Variants in CARMIL3 observed in about 807,000 individuals in gnomAD.
CARMIL3 encodes capping protein, Arp2/3 and myosin-I linker protein 3.
In CARMIL3, 88 loss-of-function variants were observed where a neutral mutation model predicts 180.8. The observed-to-expected ratio is 0.49, with a 90% CI of 0.41 to 0.58. The LOEUF (loss-of-function observed/expected upper bound fraction) is 0.58. CARMIL3 is among the 20% of genes least tolerant of loss of function. CARMIL3 has a pLI of 0.00. For missense variants in CARMIL3, 1,548 were observed against 1,787.0 expected, an observed-to-expected ratio of 0.87 and a Z score of 2.41; for synonymous variants, 696 against 714.5, an observed-to-expected ratio of 0.97 and a Z score of 0.41.
Position 24,054,160 on chromosome 14 carries a change from GA to G in CARMIL3, c.186+23del. On this transcript the variant is annotated intron_variant, in intron 3 of 39. Coordinates refer to ENST00000342740, the MANE Select transcript of CARMIL3 (RefSeq NM_138360.4). This position sits in a 1 kb window ranked among gnomAD's most constrained non-coding sequence, Gnocchi z 5.1. ...CAAGGTGAGTTGGGCTGAGGAGCAG[GA>G]GAGCACCTGGCATGCTCCCTACCTC... 6.2e-7 allele frequency: 1 copy of G among 1,614,130 alleles called. No homozygotes were observed. The highest frequency in any genetic ancestry group is 1.1e-5 in the South Asian group (1 of 91,082).
rs757289361 is a variant in CARMIL3 at position 24,062,551 on chromosome 14, A to G, written c.2552A>G (p.His851Arg). The G allele has an allele frequency of 5.6e-6, 9 of 1,614,066 alleles. No homozygotes were observed. In the South Asian group the frequency reaches 7.7e-5, roughly 14 times the overall value. Reference sequence around the variant, plus strand: ...GATGAGATCCTGCAAGAGCTCTACCATTCCCACAAGAGCCTGGTAAGGCTT... The same window carrying G: ...GATGAGATCCTGCAAGAGCTCTACCGTTCCCACAAGAGCCTGGTAAGGCTT... The part of the protein sequence containing the change: ...IVDEILQELY[H>R]SHKSLARHLT... Residue 851 changes from histidine to arginine, a missense_variant, in exon 28 of 40, where the codon CAT becomes CGT. Around this residue, in one of 4 missense-constraint regions of CARMIL3, gnomAD observed 297 missense variants for 415.9 expected, o/e 0.71. Coordinates refer to ENST00000342740, the MANE Select transcript of CARMIL3 (RefSeq NM_138360.4).
intron 1 of CARMIL3, 87 bp downstream of exon 1, chr14:24,052,280 G>C: frequency 1.5e-6 from 2 of 1,361,186 alleles, no homozygotes; most frequent in Non-Finnish European, 9.9e-7. Context: ...TCCCAGCCCG[G>C]TGTCTCACAC....
intron 34 of CARMIL3, among the ~76,000 whole-genome samples, chr14:24,065,951 T>C (rs1830316810): frequency 1.3e-5 from 2 of 152,208 alleles, no homozygotes; most frequent in African/African-American, 4.8e-5. Context: ...AACCTCTCCT[T>C]CTTTACTGTA....
rs753433724 is a variant in CARMIL3 at position 24,057,221 on chromosome 14, G to A, written c.1117G>A (p.Gly373Arg). 1.9e-6 allele frequency: 3 copies of A among 1,613,952 alleles called. No individual in the cohort carries two copies. Among genetic ancestry groups the A allele is most frequent in the Non-Finnish European group, 2.5e-6 (3 of 1,179,962 alleles). Residue 373 changes from glycine to arginine, a missense_variant, in exon 14 of 40, where the codon GGA becomes AGA. This residue lies in a region of CARMIL3 where 578 missense variants were observed against 666.5 expected (regional missense o/e 0.87). Transcript: ENST00000342740. ...PNALVHLDLSGTDCVIDLLLG... is the reference protein window; with the variant it reads ...PNALVHLDLSRTDCVIDLLLG... ...CGCCCTGGTGCACCTGGACCTGTCAGGAACTGACTGCGTCATCGACTTGGT... is the reference window on the plus strand; with the variant it reads ...CGCCCTGGTGCACCTGGACCTGTCAAGAACTGACTGCGTCATCGACTTGGT...
chr14:24,056,941 G>A lies in CARMIL3; in HGVS notation c.979G>A (p.Gly327Arg), dbSNP rs199658051. ...GCTCCAGGCACTCGGCCAGACCTTC[G>A]GGGCAAACCCAGCATTTGCCAGCTC... is the stretch of plus-strand genomic sequence containing the variant. The part of the protein sequence containing the change: ...RGLQALGQTF[G>R]ANPAFASSLR... Residue 327 changes from glycine (G) to arginine (R), a missense_variant, in exon 13 of 40, where the codon GGG (glycine) becomes AGG (arginine). Gly to Arg is a moderately radical substitution (Grantham distance 125). Transcript: ENST00000342740. The A allele has an allele frequency of 7.3e-5, 118 of 1,613,902 alleles. No homozygotes were observed. Among genetic ancestry groups the A allele is most frequent in the African/African-American group, 8.0e-5 (6 of 74,904 alleles).
chr14:24,060,535 T>C, intron 24 of CARMIL3, 93 bp from the exon 25 acceptor site: 2 of 1,528,376 alleles, frequency 1.3e-6, no homozygotes, highest in Non-Finnish European at 1.8e-6. Context: ...TCCACCACTG[T>C]CGGTGCCAGC....
Position 24,059,621 on chromosome 14 carries a change from C to A in CARMIL3, c.1800-43C>A. On this transcript the variant is annotated intron_variant, in intron 21 of 39. Coordinates refer to ENST00000342740, the MANE Select transcript of CARMIL3 (RefSeq NM_138360.4). This position sits in a 1 kb window ranked among gnomAD's most constrained non-coding sequence, Gnocchi z 6.3. ...TTGTGTCCCTGGCCCCTAGTAGGGA[C>A]CCAGGAGGAGAGGTGCCAAACTGGT... The A allele has an allele frequency of 6.2e-7, 1 of 1,604,964 alleles. No individual in the cohort carries two copies. Among genetic ancestry groups the A allele is most frequent in the Non-Finnish European group, 8.5e-7 (1 of 1,172,650 alleles).
chr14:24,056,317 G>A lies in CARMIL3; in HGVS notation c.789G>A (p.Leu263=). Residue 263 remains leucine, a synonymous_variant, in exon 11 of 40, where the codon CTG becomes CTA. Transcript: ENST00000342740. The part of the protein sequence containing the change: ...AGLKTDFVQK[L]AGVFGENGSC... ...CCTGAAGGGACTTTGTCCAGAAGCT[G>A]GCCGGGGTGTTTGGGGAGAACGGGA... 6.2e-7 allele frequency: 1 copy of A among 1,613,974 alleles called. No individual in the cohort carries two copies. The highest frequency in any genetic ancestry group is 2.2e-5 in the East Asian group (1 of 44,878).
chr14:24,058,234 C>T lies in CARMIL3; in HGVS notation c.1392+10C>T. 1 of 1,612,144 alleles carries T rather than the reference C, an allele frequency of 6.2e-7. No individual in the cohort carries two copies. The highest frequency in any genetic ancestry group is 8.5e-7 in the Non-Finnish European group (1 of 1,179,322). ...TCTCAGCAGCTGCGAGGTGAGCCCT[C>T]AGTCCCCAACCCCTCTGCCCGCCTC... is the stretch of plus-strand genomic sequence containing the variant. On this transcript the variant is annotated intron_variant, in intron 17 of 39. Transcript: ENST00000342740. This position sits in a 1 kb window ranked among gnomAD's most constrained non-coding sequence, Gnocchi z 6.4.
At position 24,060,947 on chromosome 14, in the gene CARMIL3, G is replaced by A; in HGVS notation, c.2211G>A (p.Glu737=). ...NSRALFPSLY[E]LGHVLANDGP... The stretch of plus-strand genomic sequence containing the variant: ...TCCAGCTGTTTCCCAGCCTCTATGA[G>A]CTGGGCCACGTGCTGGCCAATGATG... The change falls in exon 26 of 40, where the codon GAG becomes GAA. Residue 737 remains glutamate (E), a synonymous_variant. Coordinates refer to ENST00000342740, the MANE Select transcript of CARMIL3 (RefSeq NM_138360.4). 6.4e-7 allele frequency: 1 copy of A among 1,551,704 alleles called. No individual in the cohort carries two copies.
chr14:24,058,881 G>A lies in CARMIL3; in HGVS notation c.1475-9G>A. 1 of 1,614,170 alleles carries A rather than the reference G, an allele frequency of 6.2e-7. No individual in the cohort carries two copies. The highest frequency in any genetic ancestry group is 1.1e-5 in the South Asian group (1 of 91,090). On this transcript the variant is annotated splice_polypyrimidine_tract_variant and intron_variant, in intron 18 of 39. Transcript: ENST00000342740. The surrounding 1 kb of genome is among the most constrained non-coding windows in gnomAD (Gnocchi z 6.4). ...CCTCCAGGCCAGGCCTCTCCCATCT[G>A]CTCACCAGGGTTCGACTCGGACCTC... is the stretch of plus-strand genomic sequence containing the variant.
At chr14:24,053,999 C>T (rs2035645140) in intron 2 of CARMIL3, 89 bp from the exon 3 acceptor site, 2 of 1,469,420 alleles carry the variant, frequency 1.4e-6, no homozygotes, top group Non-Finnish European at 1.9e-6. Flanking sequence ...GGGAGACACT[C>T]CAAGAGCAGA....
At position 24,064,317 on chromosome 14, in the gene CARMIL3, C is replaced by T. The variant is rs1278383556; in HGVS notation, c.3051C>T (p.Phe1017=). 9 of 1,612,372 alleles carry T rather than the reference C, an allele frequency of 5.6e-6. No individual in the cohort carries two copies. Among genetic ancestry groups the T allele is most frequent in the Non-Finnish European group, 6.8e-6 (8 of 1,179,224 alleles). Residue 1017 remains phenylalanine (F), a synonymous_variant, in exon 32 of 40, where the codon TTC becomes TTT. Transcript: ENST00000342740. ...TGGATGAAGGGCTGGAGGACTTCTT[C>T]AGCCGAAGGGTCCTGGAGGAAAGTT... is the stretch of plus-strand genomic sequence containing the variant. ...TRLDEGLEDF[F]SRRVLEESSS...
chr14:24,067,877 T>C (rs978545528), intron 36 of CARMIL3, among the ~76,000 whole-genome samples: 1 of 152,256 alleles, frequency 6.6e-6, no homozygotes, highest in Non-Finnish European at 1.5e-5. Context: ...AATCAGACTT[T>C]CAGACAGAGT....
intron 39 of CARMIL3, 59 bp downstream of exon 39, chr14:24,069,306 C>T: frequency 6.2e-7 from 1 of 1,612,986 alleles, no homozygotes; most frequent in Non-Finnish European, 8.5e-7. Flanking sequence ...CATGACACCC[C>T]CCGAAGCCCC....
At position 24,061,002 on chromosome 14, in the gene CARMIL3, G is replaced by C. The variant is rs1269974896; in HGVS notation, c.2266G>C (p.Ala756Pro). The C allele has an allele frequency of 6.4e-7, 1 of 1,551,722 alleles. No individual in the cohort carries two copies. Residue 756 changes from alanine (A) to proline (P), a missense_variant, in exon 26 of 40, where the codon GCA becomes CCA. By Grantham distance (27) the Ala-to-Pro change is conservative. Transcript: ENST00000342740. This position sits in a 1 kb window ranked among gnomAD's most constrained non-coding sequence, Gnocchi z 4.1. The part of the protein sequence containing the change: ...GPVRQRLESV[A>P]SEVSKAVDKE... ...TGTGCGGCAGAGGCTGGAATCAGTAGCAAGTGAGGTGTCCAAAGCTGTGGA... is the reference window on the plus strand; with the variant it reads ...TGTGCGGCAGAGGCTGGAATCAGTACCAAGTGAGGTGTCCAAAGCTGTGGA...
rs2035786735 is a variant in CARMIL3 at position 24,066,399 on chromosome 14, G to C, written c.3527G>C (p.Gly1176Ala). 2 of 1,613,974 alleles carry C rather than the reference G, an allele frequency of 1.2e-6. No individual in the cohort carries two copies. Among genetic ancestry groups the C allele is most frequent in the African/African-American group, 2.7e-5 (2 of 74,912 alleles). Residue 1176 changes from glycine to alanine, a missense_variant and splice_region_variant, in exon 35 of 40, where the codon GGC (glycine) becomes GCC (alanine). By Grantham distance (60) the Gly-to-Ala change is moderately conservative. This residue lies in a region of CARMIL3 where 668 missense variants were observed against 687.8 expected (regional missense o/e 0.97). Transcript: ENST00000342740. ...KGWSFDGKRE[G>A]PGPDQEGSTQ... ...CAACCTGACCCACTGTTCTTTCAGGGCCCAGGCCCAGACCAGGAGGGCAGC... is the reference window on the plus strand; with the variant it reads ...CAACCTGACCCACTGTTCTTTCAGGCCCCAGGCCCAGACCAGGAGGGCAGC...
rs1343244826 is a variant in CARMIL3 at position 24,059,142 on chromosome 14, G to A, written c.1579G>A (p.Glu527Lys). 1.9e-6 allele frequency: 3 copies of A among 1,604,934 alleles called. No individual in the cohort carries two copies. The highest frequency in any genetic ancestry group is 2.6e-6 in the Non-Finnish European group (3 of 1,176,074). Residue 527 changes from glutamate to lysine, a missense_variant, in exon 20 of 40, where the codon GAG becomes AAG. Coordinates refer to ENST00000342740, the MANE Select transcript of CARMIL3 (RefSeq NM_138360.4). This position sits in a 1 kb window ranked among gnomAD's most constrained non-coding sequence, Gnocchi z 6.3. ...AGCCCCGCCTCCCTGCAGGACCCTG[G>A]AGGAGATCCTCCACAAGCTGGTGCA... ...KNFNVKAKTL[E>K]EILHKLVQLI... is the part of the protein sequence containing the mutation.
In CARMIL3 at chr14:24,069,475, G is replaced by T; in HGVS notation, c.*71G>T. Reference sequence around the variant, plus strand: ...GGACTCAGACCCCTATCCACCCCCAGTCCCCAGGGCCCCCTGCCAGCCCCT... The same window carrying T: ...GGACTCAGACCCCTATCCACCCCCATTCCCCAGGGCCCCCTGCCAGCCCCT... On this transcript the variant is annotated 3_prime_UTR_variant, in exon 40 of 40. Coordinates refer to ENST00000342740, the MANE Select transcript of CARMIL3 (RefSeq NM_138360.4). 2 of 1,597,402 alleles carry T rather than the reference G, an allele frequency of 1.3e-6. No individual in the cohort carries two copies. Among genetic ancestry groups the T allele is most frequent in the South Asian group, 2.2e-5 (2 of 90,148 alleles).
Sources: allele counts gnomAD v4.1 joint callset (sites outside exome capture counted in the v4.1 genomes callset), GRCh38; gene constraint gnomAD v4.1.1; regional missense constraint gnomAD v4.1.1; non-coding constraint Gnocchi (gnomAD v3.1); transcripts MANE v1.5; gene names NCBI Gene and HGNC (gene_info 2026-07-23, HGNC 2026-07-21).